ACACA: variants seen among roughly 807,000 people sequenced by gnomAD.
ACACA encodes the protein acetyl-CoA carboxylase 1.
In ACACA, 103 loss-of-function variants were observed where a neutral mutation model predicts 296.1. That is an observed-to-expected ratio of 0.35 (90% CI 0.30 to 0.41). The LOEUF is 0.41. Ranked by LOEUF, ACACA falls within the 10% of genes least tolerant of loss-of-function variation. The probability of loss-of-function intolerance (pLI) is 1.00; values close to 1 mark genes in which losing one functional copy is unlikely to be tolerated. For synonymous variants in ACACA, 953 were observed against 1,038.6 expected, an observed-to-expected ratio of 0.92 and a Z score of 1.58; for missense variants, 1,554 against 2,989.7, an observed-to-expected ratio of 0.52 and a Z score of 11.20.
chr17:37,332,885 G>A (rs2047947745), intron 2 of ACACA, among the ~76,000 whole-genome samples: 1 of 150,998 alleles, frequency 6.6e-6, no homozygotes, highest in South Asian at 2.1e-4. Flanking sequence ...ACTCCAGCCT[G>A]GGTGACAGAG....
At chr17:37,364,984 T>G (rs1266129845) in intron 1 of ACACA, among the ~76,000 whole-genome samples, 2 of 152,140 alleles carry the variant, frequency 1.3e-5, no homozygotes, top group African/African-American at 4.8e-5. Flanking sequence ...TTCAGAATTT[T>G]TTTTCTGAGA....
chr17:37,089,985 G>A (rs2072500831), intron 54 of ACACA, among the ~76,000 whole-genome samples: 1 of 152,166 alleles, frequency 6.6e-6, no homozygotes, highest in African/African-American at 2.4e-5. Context: ...GTCATTTAAA[G>A]GTGCGCTATC....
At chr17:37,128,312 T>C (rs1241166844) in intron 47 of ACACA, among the ~76,000 whole-genome samples, 2 of 152,116 alleles carry the variant, frequency 1.3e-5, no homozygotes, top group African/African-American at 2.4e-5. Context: ...TTATCTCTCT[T>C]TATCTAAGAG....
At chr17:37,165,014 T>C (rs1375661864) in intron 41 of ACACA, among the ~76,000 whole-genome samples, 1 of 152,176 alleles carries the variant, frequency 6.6e-6, no homozygotes, top group Non-Finnish European at 1.5e-5. Context: ...GTCATTATGC[T>C]TGCAATATTG....
At chr17:37,177,936 T>C (rs1185063197) in intron 41 of ACACA, among the ~76,000 whole-genome samples, 1 of 152,186 alleles carries the variant, frequency 6.6e-6, no homozygotes, top group African/African-American at 2.4e-5. Flanking sequence ...ATTACTGAAA[T>C]AGCCACACAC....
At chr17:37,386,180 G>A (rs2050521377) in intron 1 of ACACA, 2 of 1,148,096 alleles carry the variant, frequency 1.7e-6, no homozygotes, top group African/African-American at 1.6e-5. Flanking sequence ...AGTAAAATGG[G>A]AACAGAAAAG....
intron 1 of ACACA, among the ~76,000 whole-genome samples, chr17:37,347,525 C>T (rs2048682781): frequency 6.6e-6 from 1 of 152,058 alleles, no homozygotes; most frequent in Admixed American, 6.6e-5. Context: ...CAACCTCCTG[C>T]TCAAGCGATC....
chr17:37,277,143 T>A, intron 6 of ACACA, 29 bp from the exon 7 acceptor site: 1 of 1,593,138 alleles, frequency 6.3e-7, no homozygotes. Flanking sequence ...TAATTCATTC[T>A]TAAAATTCAT....
At chr17:37,231,957 T>A (rs1036065403) in intron 25 of ACACA, among the ~76,000 whole-genome samples, 5 of 152,236 alleles carry the variant, frequency 3.3e-5, no homozygotes, top group Non-Finnish European at 5.9e-5. Context: ...TCTTCCAGAC[T>A]TTGTGTTAAA....
At chr17:37,150,003 C>T (rs1278633249) in intron 44 of ACACA, 29 bp from the exon 45 acceptor site, 1 of 1,585,018 alleles carries the variant, frequency 6.3e-7, no homozygotes, top group Non-Finnish European at 8.7e-7. Context: ...CTACATGTCA[C>T]ATATTTATGT....
intron 1 of ACACA, among the ~76,000 whole-genome samples, chr17:37,401,175 A>G (rs959033304): frequency 4.0e-5 from 6 of 149,314 alleles, no homozygotes; most frequent in Admixed American, 1.3e-4. Context: ...AGCTATTTGC[A>G]TGTCTTTTTC....
At chr17:37,198,262 T>C (rs2078093462) in intron 35 of ACACA, among the ~76,000 whole-genome samples, 1 of 152,202 alleles carries the variant, frequency 6.6e-6, no homozygotes, top group African/African-American at 2.4e-5. Flanking sequence ...ATCAGTGTAT[T>C]TATTATAGAA....
At chr17:37,268,758 T>G (rs543249497) in intron 10 of ACACA, among the ~76,000 whole-genome samples, 29 of 146,122 alleles carry the variant, frequency 2.0e-4, no homozygotes, top group Non-Finnish European at 3.7e-4. Context: ...TATATATATA[T>G]ATATATATAT....
intron 18 of ACACA, among the ~76,000 whole-genome samples, chr17:37,247,701 T>C (rs1025986455): frequency 4.6e-5 from 7 of 152,204 alleles, no homozygotes; most frequent in Admixed American, 4.6e-4. Flanking sequence ...AAACAGTATG[T>C]ACATGAGTGT....
At chr17:37,312,231 AT>A (rs1215045368) in intron 3 of ACACA, among the ~76,000 whole-genome samples, 1 of 152,224 alleles carries the variant, frequency 6.6e-6, no homozygotes, top group Admixed American at 6.5e-5. Flanking sequence ...GGACATAAAG[AT>A]GGAAAGTATA....
rs1386960181 is a variant in ACACA, at chr17:37,097,777, C to T, written c.6720+53G>A. On this transcript the variant is annotated intron_variant, in intron 53 of 55. Transcript: ENST00000616317. This position sits in a 1 kb window ranked among gnomAD's most constrained non-coding sequence, Gnocchi z 4.8. ...TATGAGCCTGTGTGCAACACACACA[C>T]ACACTTGCCCACATGTGGGCCTCTG... The T allele has an allele frequency of 6.2e-7, 1 of 1,607,200 alleles. No individual in the cohort carries two copies. Among genetic ancestry groups the T allele is most frequent in the South Asian group, 1.1e-5 (1 of 90,632 alleles).
At chr17:37,342,524 T>A (rs1327200222) in intron 1 of ACACA, among the ~76,000 whole-genome samples, 1 of 144,712 alleles carries the variant, frequency 6.9e-6, no homozygotes. Flanking sequence ...ATCCTATATA[T>A]ACACTATACA....
chr17:37,328,969 G>A, intron 3 of ACACA: 1 of 398,566 alleles, frequency 2.5e-6, no homozygotes, highest in Non-Finnish European at 4.4e-6. Flanking sequence ...CACTGATCCA[G>A]ACCTTTTAAT....
chr17:37,167,119 ATTTT>A (rs11290127), intron 41 of ACACA, among the ~76,000 whole-genome samples: 3 of 101,346 alleles, frequency 3.0e-5, no homozygotes, highest in Non-Finnish European at 4.0e-5. Context: ...TAATTTTTGC[ATTTT>A]TTTTTTTTTT....
Sources: gnomAD v4.1 joint callset for allele counts (sites outside exome capture counted in the v4.1 genomes callset) on GRCh38, gnomAD v4.1.1 for gene constraint, Gnocchi (gnomAD v3.1) non-coding constraint, MANE v1.5 for transcripts, NCBI Gene and HGNC (gene_info 2026-07-23, HGNC 2026-07-21) for gene names.